Variants in FANK1 observed in about 807,000 individuals in gnomAD.
FANK1 encodes fibronectin type III and ankyrin repeat domains 1, also known as fibronectin type 3 and ankyrin repeat domains protein 1.
A neutral mutation model predicts 45.3 loss-of-function variants in FANK1; 44 were observed. That is an observed-to-expected ratio of 0.97 (90% confidence interval 0.76 to 1.25). The LOEUF (loss-of-function observed/expected upper bound fraction) is 1.25, where lower values mean the gene tolerates loss of function less well. FANK1 is among the 50% of genes most tolerant of loss of function. The pLI, the probability that FANK1 is intolerant of heterozygous loss-of-function variation, is 0.00. For synonymous variants in FANK1, 149 were observed against 152.5 expected (o/e 0.98, Z 0.17); for missense variants, 391 against 424.4 (o/e 0.92, Z 0.69).
chr10:125,997,360 T>G, intron 5 of FANK1, 60 bp from the exon 6 acceptor site: 2 of 1,385,028 alleles, frequency 1.4e-6, no homozygotes, highest in Non-Finnish European at 2.0e-6. Context: ...TACTGGACTA[T>G]TGTGGGTTCT....
In FANK1 at chr10:126,003,541, T is replaced by C. The variant is rs939530866; in HGVS notation, c.540-1343T>C. ...CACAGGTAGTGATTCTAGGTTTCAT[T>C]ATTTTTTTTAGAATGATGACAGCAA... On this transcript the variant is annotated intron_variant, in intron 6 of 10. Transcript: ENST00000368693. Among the ~76,000 whole-genome samples, 3 of 151,892 alleles carry C rather than the reference T, an allele frequency of 2.0e-5. No homozygotes were observed. In the South Asian group the frequency reaches 6.2e-4, roughly 32 times the overall value.
intron 1 of FANK1, among the ~76,000 whole-genome samples, chr10:125,904,850 G>A (rs1369878305): frequency 2.0e-5 from 3 of 151,928 alleles, no homozygotes; most frequent in Non-Finnish European, 4.4e-5. Flanking sequence ...TTCTGGCCGG[G>A]CGCGGTGGCT....
intron 1 of FANK1, among the ~76,000 whole-genome samples, chr10:125,943,759 C>T (rs1250534314): frequency 6.6e-6 from 1 of 152,154 alleles, no homozygotes; most frequent in Admixed American, 6.5e-5. Context: ...TCCTTAGACC[C>T]TTGAATACTA....
rs575476602 is a variant in FANK1, at chr10:126,007,594, C to G, written c.706-813C>G. On this transcript the variant is annotated intron_variant, in intron 7 of 10. Coordinates refer to ENST00000368693, the MANE Select transcript of FANK1 (RefSeq NM_145235.5). ...TTTCCATTCTGATGTTTTACTAAAG[C>G]TATGGATCATCTTTGAGTAATTCTT... Among the ~76,000 whole-genome samples the G allele has an allele frequency of 2.9e-4, 44 of 152,296 alleles. No individual in the cohort carries two copies. In the South Asian group the frequency reaches 7.7e-3, roughly 27 times the overall value.
intron 1 of FANK1, among the ~76,000 whole-genome samples, chr10:125,897,925 G>A (rs1278540444): frequency 6.8e-6 from 1 of 147,324 alleles, no homozygotes; most frequent in Non-Finnish European, 1.5e-5. Context: ...GGGAGGCTGA[G>A]GCAGGCGGAT....
At chr10:125,980,068 T>G in intron 1 of FANK1, 93 bp from the exon 2 acceptor site, 1 of 1,338,620 alleles carries the variant, frequency 7.5e-7, no homozygotes, top group Non-Finnish European at 1.0e-6. Context: ...CTCAGAAAAA[T>G]AGCTCGATCA....
chr10:125,970,835 C>A (rs551256219), intron 1 of FANK1, among the ~76,000 whole-genome samples: 2 of 151,886 alleles, frequency 1.3e-5, no homozygotes, highest in African/African-American at 4.8e-5. Context: ...AGGGGAAGAC[C>A]GTGGAAAGCA....
At chr10:125,943,867 G>A (rs944965779) in intron 1 of FANK1, among the ~76,000 whole-genome samples, 2 of 152,214 alleles carry the variant, frequency 1.3e-5, no homozygotes, top group African/African-American at 4.8e-5. Flanking sequence ...CAACTTTAGG[G>A]ACTGGGAAGG....
At chr10:125,997,322 A>G in intron 5 of FANK1, 98 bp from the exon 6 acceptor site, 1 of 881,010 alleles carries the variant, frequency 1.1e-6, no homozygotes, top group Non-Finnish European at 1.7e-6. Flanking sequence ...GTTGAAAGAT[A>G]CATCTTGGAT....
At chr10:125,907,914 G>C (rs76014417) in intron 1 of FANK1, among the ~76,000 whole-genome samples, 1 of 151,910 alleles carries the variant, frequency 6.6e-6, no homozygotes, top group Non-Finnish European at 1.5e-5. Context: ...CCTTGTGAGA[G>C]CCTATGCAGT....
intron 3 of FANK1, among the ~76,000 whole-genome samples, chr10:125,991,255 G>GTGTGTGTGTGTA (rs1376689129): frequency 7.1e-6 from 1 of 140,454 alleles, no homozygotes; most frequent in African/African-American, 3.2e-5. Flanking sequence ...CCAGGGGTGT[G>GTGTGTGTGTGTA]TGTGTGTGTG....
intron 1 of FANK1, among the ~76,000 whole-genome samples, chr10:125,944,915 A>G (rs1015083443): frequency 6.6e-5 from 10 of 152,090 alleles, no homozygotes; most frequent in African/African-American, 1.9e-4. Context: ...CTGATTTCCC[A>G]CTTCACACCT....
intron 1 of FANK1, among the ~76,000 whole-genome samples, chr10:125,976,072 T>C (rs975964564): frequency 2.0e-5 from 3 of 152,204 alleles, no homozygotes; most frequent in African/African-American, 7.2e-5. Flanking sequence ...TGTTTCTCCT[T>C]CACTTAGGAA....
chr10:125,963,851 C>A (rs1334927969), intron 1 of FANK1, among the ~76,000 whole-genome samples: 1 of 151,952 alleles, frequency 6.6e-6, no homozygotes, highest in East Asian at 1.9e-4. Context: ...ATGTAACAAA[C>A]CTGCACGTTG....
Position 125,939,065 on chromosome 10 carries a change from C to G in FANK1, c.14-41096C>G, listed in dbSNP as rs1342806716. 3.9e-5 allele frequency among the ~76,000 whole-genome samples: 6 copies of G among 152,242 alleles called. No individual in the cohort carries two copies. The South Asian group carries it at 1.0e-3, about 26-fold the overall frequency. ...AAATATACAGTATCATCTATGTATT[C>G]TTTTTGCTAAAAGTGTTTAATTTGA... On this transcript the variant is annotated intron_variant, in intron 1 of 10. Coordinates refer to ENST00000368693, the MANE Select transcript of FANK1 (RefSeq NM_145235.5).
Position 125,995,472 on chromosome 10 carries a change from T to C in FANK1, c.372T>C (p.Asp124=). 2 of 1,614,142 alleles carry C rather than the reference T, an allele frequency of 1.2e-6. No individual in the cohort carries two copies. Among genetic ancestry groups the C allele is most frequent in the Non-Finnish European group, 1.7e-6 (2 of 1,180,016 alleles). The part of the protein sequence containing the change: ...LHRAVSVNDE[D]LLVRILQGGR... ...GGGCTGTCAGTGTGAATGATGAAGATTTGCTGGTCCGAATACTTCAAGGAG... is the reference window on the plus strand; with the variant it reads ...GGGCTGTCAGTGTGAATGATGAAGACTTGCTGGTCCGAATACTTCAAGGAG... The change falls in exon 4 of 11, where the codon GAT becomes GAC. Residue 124 remains aspartate (D), a synonymous_variant. Transcript: ENST00000368693.
chr10:125,898,938 A>G (rs1201784766), intron 1 of FANK1, among the ~76,000 whole-genome samples: 2 of 143,958 alleles, frequency 1.4e-5, no homozygotes, highest in Non-Finnish European at 3.0e-5. Context: ...TCTGTCACCC[A>G]GGCTGGAGTA....
At chr10:125,954,341 G>A (rs1195666728) in intron 1 of FANK1, among the ~76,000 whole-genome samples, 3 of 152,200 alleles carry the variant, frequency 2.0e-5, no homozygotes, top group Non-Finnish European at 2.9e-5. Context: ...GAGCAAGGAT[G>A]CTGAACAAGC....
intron 7 of FANK1, chr10:126,007,239 T>C (rs1953287458): frequency 6.6e-6 from 1 of 152,238 alleles, no homozygotes; most frequent in Non-Finnish European, 1.5e-5. Flanking sequence ...TATTCATTTG[T>C]GCATTTAATG....
Sources: gnomAD v4.1 joint callset for allele counts (sites outside exome capture counted in the v4.1 genomes callset) on GRCh38, gnomAD v4.1.1 for gene constraint, MANE v1.5 for transcripts, NCBI Gene and HGNC (gene_info 2026-07-23, HGNC 2026-07-21) for gene names.